The following FOXK1 variants were observed in gnomAD, a reference collection of about 807,000 sequenced individuals.
FOXK1 encodes the protein forkhead box protein K1.
In FOXK1, 19 loss-of-function variants were observed where a neutral mutation model predicts 51.9. That is an observed-to-expected ratio of 0.37 (90% CI 0.26 to 0.54). The LOEUF (loss-of-function observed/expected upper bound fraction) is 0.54. Ranked by LOEUF, FOXK1 falls within the 20% of genes least tolerant of loss-of-function variation. The pLI is 0.87. For missense variants in FOXK1, 870 were observed against 1,032.7 expected, an observed-to-expected ratio of 0.84 and a Z score of 2.16; for synonymous variants, 537 against 482.6, an observed-to-expected ratio of 1.11 and a Z score of -1.48.
At chr7:4,742,617 A>G (rs936696985) in intron 2 of FOXK1, among the ~76,000 whole-genome samples, 4 of 152,020 alleles carry the variant, frequency 2.6e-5, no homozygotes, top group African/African-American at 4.8e-5. Context: ...GGGTCTTGCT[A>G]TGTTGCCCAG....
At chr7:4,706,911 G>A (rs544778366) in intron 1 of FOXK1, among the ~76,000 whole-genome samples, 2 of 152,230 alleles carry the variant, frequency 1.3e-5, no homozygotes, top group Admixed American at 6.5e-5. Context: ...ACCTCCCCCC[G>A]GGACTTCTGA....
intron 2 of FOXK1, among the ~76,000 whole-genome samples, chr7:4,742,059 C>T (rs1780641115): frequency 6.6e-6 from 1 of 152,284 alleles, no homozygotes; most frequent in Admixed American, 6.5e-5. Flanking sequence ...TGTGGCTCTG[C>T]AGATGCGTGG....
At chr7:4,705,948 A>ATATATATATATG (rs1562372890) in intron 1 of FOXK1, among the ~76,000 whole-genome samples, 4 of 130,616 alleles carry the variant, frequency 3.1e-5, no homozygotes, top group African/African-American at 7.3e-5. Flanking sequence ...TTTCAAAATT[A>ATATATATATATG]TATATATATA....
At chr7:4,713,407 C>T (rs1001413402) in intron 1 of FOXK1, among the ~76,000 whole-genome samples, 9 of 152,024 alleles carry the variant, frequency 5.9e-5, no homozygotes, top group African/African-American at 1.7e-4. Context: ...AATTAGACCA[C>T]GGTGCAGCCA....
chr7:4,728,949 A>C (rs1251551996), intron 1 of FOXK1, among the ~76,000 whole-genome samples: 2 of 152,148 alleles, frequency 1.3e-5, no homozygotes. Flanking sequence ...TACTGTGGAC[A>C]GCATTTTGAG....
In FOXK1 at chr7:4,749,314, T is replaced by C. The variant is rs1780745553; in HGVS notation, c.747-5145T>C. On this transcript the variant is annotated intron_variant, in intron 2 of 8. Coordinates refer to ENST00000328914, the MANE Select transcript of FOXK1 (RefSeq NM_001037165.2). The surrounding 1 kb of genome is among the most constrained non-coding windows in gnomAD (Gnocchi z 6.0). ...CCCTCTTCTCTTCTGTTTTGCACCA[T>C]GTTCCACCTGGTAGAAGCTTCCTCA... Among the ~76,000 whole-genome samples the C allele has an allele frequency of 6.6e-6, 1 of 152,144 alleles. No homozygotes were observed. Among genetic ancestry groups the C allele is most frequent in the African/African-American group, 2.4e-5 (1 of 41,430 alleles).
chr7:4,708,695 T>C (rs747294800), intron 1 of FOXK1, among the ~76,000 whole-genome samples: 4 of 152,210 alleles, frequency 2.6e-5, no homozygotes, highest in Non-Finnish European at 5.9e-5. Context: ...GCTCCCAGCC[T>C]GGGGTGAACT....
intron 1 of FOXK1, among the ~76,000 whole-genome samples, chr7:4,687,548 C>T (rs1779837336): frequency 2.0e-5 from 3 of 152,142 alleles, no homozygotes; most frequent in African/African-American, 4.8e-5. Context: ...CCGCCTTGGC[C>T]TCTCAAAAGT....
chr7:4,741,167 G>A (rs141198537), intron 2 of FOXK1, 144 bp downstream of exon 2: 28 of 562,314 alleles, frequency 5.0e-5, no homozygotes, highest in African/African-American at 3.2e-4. Flanking sequence ...ACGTCCATCC[G>A]GGACCTGGCT....
chr7:4,702,099 C>A (rs766900744), intron 1 of FOXK1, among the ~76,000 whole-genome samples: 1 of 152,024 alleles, frequency 6.6e-6, no homozygotes, highest in Non-Finnish European at 1.5e-5. Context: ...AAAGCAACAA[C>A]AACAAAACCA....
At chr7:4,727,772 G>A (rs1256274817) in intron 1 of FOXK1, among the ~76,000 whole-genome samples, 1 of 152,222 alleles carries the variant, frequency 6.6e-6, no homozygotes, top group Non-Finnish European at 1.5e-5. Context: ...GGGAACCCGC[G>A]CACGGAGGAA....
chr7:4,742,484 A>G (rs1780647943), intron 2 of FOXK1, among the ~76,000 whole-genome samples: 1 of 152,124 alleles, frequency 6.6e-6, no homozygotes, highest in Admixed American at 6.6e-5. Context: ...TGGCGCAATC[A>G]TAGCTCGCTG....
chr7:4,722,747 C>G lies in FOXK1; in HGVS notation c.561-18091C>G, dbSNP rs371452800. On this transcript the variant is annotated intron_variant, in intron 1 of 8. Transcript: ENST00000328914. This position sits in a 1 kb window ranked among gnomAD's most constrained non-coding sequence, Gnocchi z 5.1. ...CATCTGGGGAGAGTCAACCGCCCAG[C>G]ATGGCTTTTGGCTTTGGGGGATTCC... Among the ~76,000 whole-genome samples the G allele has an allele frequency of 1.4e-3, 217 of 152,352 alleles. 1 individual carries two copies. Among genetic ancestry groups the G allele is most frequent in the South Asian group, 1.7e-3 (8 of 4,832 alleles).
intron 1 of FOXK1, among the ~76,000 whole-genome samples, chr7:4,688,424 G>A (rs999802579): frequency 1.0e-4 from 15 of 149,388 alleles, no homozygotes; most frequent in Non-Finnish European, 1.3e-4. Flanking sequence ...TTTTTGAGAC[G>A]GAGTCTCGCT....
intron 1 of FOXK1, among the ~76,000 whole-genome samples, chr7:4,739,107 G>T (rs1268237428): frequency 6.6e-6 from 1 of 152,170 alleles, no homozygotes; most frequent in Admixed American, 6.5e-5. Flanking sequence ...AGGATTTTAC[G>T]TAGATTGACT....
Position 4,753,450 on chromosome 7 carries a change from G to C in FOXK1, c.747-1009G>C, listed in dbSNP as rs1780804352. ...GGTTCTGGATGGTTCTGGGTGGCCT[G>C]CAGGGCAGTGCAGCAGGGAGCATCC... is the stretch of plus-strand genomic sequence containing the variant. On this transcript the variant is annotated intron_variant, in intron 2 of 8. Coordinates refer to ENST00000328914, the MANE Select transcript of FOXK1 (RefSeq NM_001037165.2). The surrounding 1 kb of genome is among the most constrained non-coding windows in gnomAD (Gnocchi z 4.9). Among the ~76,000 whole-genome samples, 1 of 152,088 alleles carries C rather than the reference G, an allele frequency of 6.6e-6. No homozygotes were observed. The highest frequency in any genetic ancestry group is 1.5e-5 in the Non-Finnish European group (1 of 68,004).
At chr7:4,712,101 G>A (rs1004421697) in intron 1 of FOXK1, among the ~76,000 whole-genome samples, 1 of 150,864 alleles carries the variant, frequency 6.6e-6, no homozygotes. Context: ...TCATCTAATT[G>A]TGACAGCTTA....
Position 4,770,980 on chromosome 7 carries a change from G to A in FOXK1, c.*8516G>A, listed in dbSNP as rs1038276700. ...ATAATCAGTGCTTTAAAAAGCAGCA[G>A]TGTCCTATGAAGTGGAAATGTCAGT... On this transcript the variant is annotated 3_prime_UTR_variant, in exon 9 of 9. Coordinates refer to ENST00000328914, the MANE Select transcript of FOXK1 (RefSeq NM_001037165.2). 3 of 152,026 alleles carry A rather than the reference G, an allele frequency of 2.0e-5. No individual in the cohort carries two copies. Among genetic ancestry groups the A allele is most frequent in the Non-Finnish European group, 4.4e-5 (3 of 68,002 alleles). The allele number at this position is 152,026 out of a possible 1,614,324, so 9.4% of individuals were successfully genotyped here.
chr7:4,705,964 ATATATATACG>A (rs1218184115), intron 1 of FOXK1, among the ~76,000 whole-genome samples: 12,078 of 112,744 alleles, frequency 0.11, 1,084 homozygotes, highest in Admixed American at 0.17. Context: ...ATATATGTAT[ATATATATACG>A]TATATATACG....
Sources: gnomAD v4.1 joint callset for allele counts (sites outside exome capture counted in the v4.1 genomes callset) on GRCh38, gnomAD v4.1.1 for gene constraint, Gnocchi (gnomAD v3.1) non-coding constraint, MANE v1.5 for transcripts, NCBI Gene and HGNC (gene_info 2026-07-23, HGNC 2026-07-21) for gene names.